The following CMTR1 variants were observed in gnomAD, a reference collection of about 807,000 sequenced individuals.
CMTR1 encodes cap methyltransferase 1.
A neutral mutation model predicts 107.0 loss-of-function variants in CMTR1; 39 were observed. That is an observed-to-expected ratio of 0.36 (90% CI 0.28 to 0.48). CMTR1 has a LOEUF of 0.48. CMTR1 is among the 20% of genes least tolerant of loss of function. The pLI is 0.99. For missense variants in CMTR1, 672 were observed against 1,064.9 expected (o/e 0.63, Z 5.14); for synonymous variants, 366 against 379.5 (o/e 0.96, Z 0.41).
chr6:37,477,801 G>A (rs575900430), intron 21 of CMTR1, among the ~76,000 whole-genome samples, 162 bp downstream of exon 21: 1 of 152,308 alleles, frequency 6.6e-6, no homozygotes, highest in South Asian at 2.1e-4. Context: ...ACTGCTTGCA[G>A]TCAAGAGTCC....
In CMTR1 at chr6:37,477,584, A is replaced by G; in HGVS notation, c.2106-8A>G. 1.2e-6 allele frequency: 2 copies of G among 1,606,904 alleles called. No individual in the cohort carries two copies. The highest frequency in any genetic ancestry group is 1.7e-6 in the Non-Finnish European group (2 of 1,173,960). The stretch of plus-strand genomic sequence containing the variant: ...GCCTTTGTCTTGTCTCTGTCCCTCT[A>G]CCTGCAGGGTGAAGGAGGTGTACAG... On this transcript the variant is annotated splice_region_variant and splice_polypyrimidine_tract_variant and intron_variant, in intron 20 of 23. Coordinates refer to ENST00000373451, the MANE Select transcript of CMTR1 (RefSeq NM_015050.3).
chr6:37,455,422 G>C (rs549732618), intron 8 of CMTR1, among the ~76,000 whole-genome samples: 13 of 152,318 alleles, frequency 8.5e-5, no homozygotes, highest in African/African-American at 3.1e-4. Flanking sequence ...GCAGGTTATG[G>C]TAAAGGAGAA....
At position 37,476,207 on chromosome 6, in the gene CMTR1, TC is replaced by T. The variant is rs764136349; in HGVS notation, c.2105+16del. The T allele has an allele frequency of 7.2e-5, 116 of 1,613,474 alleles. No homozygotes were observed. Among genetic ancestry groups the T allele is most frequent in the Non-Finnish European group, 9.4e-5 (111 of 1,179,532 alleles). ...TGAATCCCATCAGGTGAGCATGTGG[TC>T]CCTACCCTCCATGCTTCTTTCTGGC... On this transcript the variant is annotated intron_variant, in intron 20 of 23. Coordinates refer to ENST00000373451, the MANE Select transcript of CMTR1 (RefSeq NM_015050.3).
chr6:37,453,341 A>C, intron 8 of CMTR1, 29 bp downstream of exon 8: 1 of 1,603,500 alleles, frequency 6.2e-7, no homozygotes, highest in South Asian at 1.1e-5. Context: ...TTCTGAATTC[A>C]TGGTGCTAAG....
At chr6:37,429,040 A>G (rs1771330298), upstream of CMTR1, among the ~76,000 whole-genome samples, 1 of 152,158 alleles carries the variant, frequency 6.6e-6, no homozygotes, top group African/African-American at 2.4e-5. Context: ...CTCTGATGAC[A>G]TAAGTATTGG....
chr6:37,458,785 C>T lies in CMTR1; in HGVS notation c.951C>T (p.Ser317=). Residue 317 remains serine (S), a synonymous_variant, in exon 9 of 24, where the codon TCC becomes TCT. Transcript: ENST00000373451. This position sits in a 1 kb window ranked among gnomAD's most constrained non-coding sequence, Gnocchi z 4.7. ...AGCTGGAGGACTTCTACTCTGCTTC[C>T]AGTGAACTCTTCGAACCCTACTATG... ...DFKLEDFYSA[S]SELFEPYYGE... is the part of the protein sequence containing the mutation. The T allele has an allele frequency of 6.2e-7, 1 of 1,614,094 alleles. No homozygotes were observed. Among genetic ancestry groups the T allele is most frequent in the Non-Finnish European group, 8.5e-7 (1 of 1,180,014 alleles).
chr6:37,469,808 G>A (rs769690461), intron 13 of CMTR1, among the ~76,000 whole-genome samples: 1 of 151,924 alleles, frequency 6.6e-6, no homozygotes, highest in Non-Finnish European at 1.5e-5. Context: ...GATTACAGGT[G>A]TGAGCCACCG....
intron 12 of CMTR1, among the ~76,000 whole-genome samples, chr6:37,462,586 G>A (rs909682341): frequency 2.0e-5 from 3 of 152,202 alleles, no homozygotes; most frequent in African/African-American, 7.2e-5. Flanking sequence ...AGGTGATTGT[G>A]ACACAGCCCG....
At chr6:37,459,491 A>T in intron 9 of CMTR1, 75 bp from the exon 10 acceptor site, 4 of 1,268,374 alleles carry the variant, frequency 3.2e-6, no homozygotes, top group Non-Finnish European at 4.6e-6. Flanking sequence ...GTCTTCACTG[A>T]CCCAGAGCAC....
In CMTR1 at chr6:37,473,553, C is replaced by T. The variant is rs753320580; in HGVS notation, c.1773C>T (p.Tyr591=). 1.2e-6 allele frequency: 2 copies of T among 1,614,042 alleles called. No homozygotes were observed. Among genetic ancestry groups the T allele is most frequent in the South Asian group, 1.1e-5 (1 of 91,082 alleles). Residue 591 remains tyrosine (Y), a synonymous_variant, in exon 17 of 24, where the codon TAC becomes TAT. Coordinates refer to ENST00000373451, the MANE Select transcript of CMTR1 (RefSeq NM_015050.3). ...TLEKIRPVFD[Y]RCMVSGSEQK... ...AGAAGATCCGCCCTGTGTTTGACTA[C>T]CGCTGCATGGTATCTGGCAGTGAGC... is the stretch of plus-strand genomic sequence containing the variant.
Position 37,446,463 on chromosome 6 carries a change from T to C in CMTR1, c.444+14T>C, listed in dbSNP as rs1488219081. The C allele has an allele frequency of 6.2e-7, 1 of 1,601,120 alleles. No individual in the cohort carries two copies. The highest frequency in any genetic ancestry group is 8.5e-7 in the Non-Finnish European group (1 of 1,175,254). The stretch of plus-strand genomic sequence containing the variant: ...GATGAGCCAGAGGTAAGTGTTAAAG[T>C]GAGGAGGAGATGGAAAAGCCACTTG... On this transcript the variant is annotated intron_variant, in intron 4 of 23. Transcript: ENST00000373451.
chr6:37,456,369 G>A lies in CMTR1; in HGVS notation c.778-2243G>A, dbSNP rs1761294469. Among the ~76,000 whole-genome samples the A allele has an allele frequency of 1.3e-5, 2 of 152,246 alleles. 1 individual carries two copies. On this transcript the variant is annotated intron_variant, in intron 8 of 23. Transcript: ENST00000373451. ...AAAGAATGCTGGGGCGGCTTAGTAA[G>A]GAAGTGGGGAAAGAACGATTAAGAC...
chr6:37,441,420 C>CT (rs1000521402), intron 2 of CMTR1, among the ~76,000 whole-genome samples: 247 of 146,066 alleles, frequency 1.7e-3, no homozygotes, highest in African/African-American at 4.0e-3. Context: ...TTTTCTTTTT[C>CT]TTTTTTTTTT....
At chr6:37,448,460 A>C (rs1771857357) in intron 4 of CMTR1, among the ~76,000 whole-genome samples, 1 of 152,106 alleles carries the variant, frequency 6.6e-6, no homozygotes, top group South Asian at 2.1e-4. Flanking sequence ...AGTTTATATG[A>C]GCTTCTTGTT....
chr6:37,478,118 A>G (rs1343873834), intron 21 of CMTR1, among the ~76,000 whole-genome samples: 2 of 152,246 alleles, frequency 1.3e-5, no homozygotes, highest in East Asian at 1.9e-4. Flanking sequence ...CAGTGTTGCC[A>G]TGGGCACCCG....
intron 16 of CMTR1, among the ~76,000 whole-genome samples, chr6:37,473,141 A>G (rs544551174): frequency 2.0e-5 from 3 of 152,246 alleles, no homozygotes; most frequent in African/African-American, 7.2e-5. Flanking sequence ...CAACTGCTGG[A>G]GAATCCTTGC....
Position 37,480,146 on chromosome 6 carries a change from G to A in CMTR1, c.*1G>A, listed in dbSNP as rs771679009. On this transcript the variant is annotated 3_prime_UTR_variant, in exon 24 of 24. Transcript: ENST00000373451. ...CTTCATCCAGATGCACAGGGCCTAA[G>A]AGCCTCAGAATGTGCCACCCCTGCA... 6.3e-7 allele frequency: 1 copy of A among 1,597,796 alleles called. No homozygotes were observed. Among genetic ancestry groups the A allele is most frequent in the Non-Finnish European group, 8.5e-7 (1 of 1,172,724 alleles).
In CMTR1 at chr6:37,462,122, A is replaced by G. The variant is rs1418861686; in HGVS notation, c.1325+20A>G. ...AGAGAGGTGAAGCCTTTCTCTCTAT[A>G]TTAGCCAGATTAATTGGCTAAATGT... is the stretch of plus-strand genomic sequence containing the variant. On this transcript the variant is annotated intron_variant, in intron 12 of 23. Transcript: ENST00000373451. The G allele has an allele frequency of 6.2e-7, 1 of 1,613,870 alleles. No homozygotes were observed. The highest frequency in any genetic ancestry group is 8.5e-7 in the Non-Finnish European group (1 of 1,179,866).
chr6:37,448,471 C>T (rs1771857919), intron 4 of CMTR1, among the ~76,000 whole-genome samples: 1 of 152,084 alleles, frequency 6.6e-6, no homozygotes, highest in Non-Finnish European at 1.5e-5. Context: ...GCTTCTTGTT[C>T]TCTAGAGTTT....
Sources: allele counts gnomAD v4.1 joint callset (sites outside exome capture counted in the v4.1 genomes callset), GRCh38; gene constraint gnomAD v4.1.1; non-coding constraint Gnocchi (gnomAD v3.1); transcripts MANE v1.5; gene names NCBI Gene and HGNC (gene_info 2026-07-23, HGNC 2026-07-21).